Variants in FGF13 observed in about 807,000 individuals in gnomAD.
FGF13 encodes the protein fibroblast growth factor 13.
Under a neutral mutation model 19.5 loss-of-function variants are expected in FGF13, and 2 were observed. That is an observed-to-expected ratio of 0.10 (90% CI 0.04 to 0.32). FGF13 has a LOEUF of 0.32. Ranked by LOEUF, FGF13 falls within the 10% of genes least tolerant of loss-of-function variation. The pLI is 1.00. For synonymous variants in FGF13, 72 were observed against 76.9 expected (o/e 0.94, Z 0.33); for missense variants, 113 against 192.7 (o/e 0.59, Z 2.45).
At chrX:138,780,757 G>A (rs1437780255) in intron 3 of FGF13, among the ~76,000 whole-genome samples, 3 of 110,390 alleles carry the variant, frequency 2.7e-5, no homozygotes, top group East Asian at 2.8e-4. Context: ...ACAGATCCAC[G>A]AGACGGAAAG....
chrX:138,720,169 A>G (rs1450237767), intron 1 of FGF13, among the ~76,000 whole-genome samples: 2 of 112,515 alleles, frequency 1.8e-5, no homozygotes, highest in African/African-American at 3.2e-5. Context: ...GAAAACTGCA[A>G]TTTTAAGCGA....
At chrX:139,037,483 G>A (rs979989438) in intron 1 of FGF13, among the ~76,000 whole-genome samples, 3 of 111,324 alleles carry the variant, frequency 2.7e-5, no homozygotes, top group South Asian at 7.6e-4. Context: ...TATTCTTGCA[G>A]TTCTGGAGGT....
In FGF13 at chrX:138,629,127, A is replaced by G. The variant is rs2089091670; in HGVS notation, c.*3723T>C. 9.0e-6 allele frequency: 1 copy of G among 111,575 alleles called. No homozygotes were observed. The highest frequency in any genetic ancestry group is 3.3e-5 in the African/African-American group (1 of 30,672). The allele number at this position is 111,575 out of a possible 1,213,427, so 9.2% of individuals were successfully genotyped here. A position where few individuals can be genotyped will look rare whatever the true frequency, so the allele number is the denominator to read the frequency against. On this transcript the variant is annotated 3_prime_UTR_variant, in exon 5 of 5. Coordinates refer to ENST00000315930, the MANE Select transcript of FGF13 (RefSeq NM_004114.5). ...TCAGATTCAGGAGATTCCCAGGCCAAGCTTAAAACAAAAGAAGCATATAAA... is the reference window on the plus strand; with the variant it reads ...TCAGATTCAGGAGATTCCCAGGCCAGGCTTAAAACAAAAGAAGCATATAAA...
intron 3 of FGF13, among the ~76,000 whole-genome samples, chrX:138,798,456 C>T (rs1046698360): frequency 2.7e-5 from 3 of 111,651 alleles, no homozygotes; most frequent in Non-Finnish European, 3.8e-5. Flanking sequence ...TTGCTGGATT[C>T]GGTTTACCAG....
At position 138,617,394 on chromosome X, in the gene FGF13, G is replaced by A. The variant is rs1423932436; in HGVS notation, c.*15456C>T. 3.6e-5 allele frequency: 4 copies of A among 111,951 alleles called. No individual in the cohort carries two copies. Among genetic ancestry groups the A allele is most frequent in the Non-Finnish European group, 7.5e-5 (4 of 53,200 alleles). 9.2% of individuals were successfully genotyped at this position (111,951 alleles called of 1,213,427 possible). A position where few individuals can be genotyped will look rare whatever the true frequency, so the allele number is the denominator to read the frequency against. On this transcript the variant is annotated 3_prime_UTR_variant, in exon 5 of 5. Coordinates refer to ENST00000315930, the MANE Select transcript of FGF13 (RefSeq NM_004114.5). ...ATATATTTTCATAATGAAATGTTGG[G>A]GGAAATACTTGGAAGTGAATATAAT...
At chrX:138,900,222 A>T (rs1261119626) in intron 1 of FGF13, among the ~76,000 whole-genome samples, 1 of 110,889 alleles carries the variant, frequency 9.0e-6, no homozygotes, top group Non-Finnish European at 1.9e-5. Flanking sequence ...GTCACTTACT[A>T]ATGTCTAAAA....
intron 3 of FGF13, among the ~76,000 whole-genome samples, chrX:138,800,291 T>C (rs906786771): frequency 1.8e-5 from 2 of 111,864 alleles, no homozygotes; most frequent in African/African-American, 6.5e-5. Context: ...TCCCTCAGCA[T>C]TTGCTTGTCT....
chrX:139,097,628 C>T (rs995730787), intron 1 of FGF13, among the ~76,000 whole-genome samples: 4 of 111,770 alleles, frequency 3.6e-5, no homozygotes, highest in Non-Finnish European at 7.5e-5. Flanking sequence ...GCAGAAGATG[C>T]ATTTGATAAA....
chrX:139,006,996 CAAT>C (rs1339834321), intron 1 of FGF13, among the ~76,000 whole-genome samples: 1 of 111,047 alleles, frequency 9.0e-6, no homozygotes, highest in Non-Finnish European at 1.9e-5. Flanking sequence ...CCTTAGTTAT[CAAT>C]AATAACATTG....
rs1293150133 is a variant in FGF13 at position 138,615,640 on chromosome X, A to G, written c.*17210T>C. On this transcript the variant is annotated 3_prime_UTR_variant, in exon 5 of 5. Coordinates refer to ENST00000315930, the MANE Select transcript of FGF13 (RefSeq NM_004114.5). ...TAAAGAATAAGGATAATGCAATGGG[A>G]ACAGTTGAAATATTGGCTTGTTTAC... 1.8e-5 allele frequency: 2 copies of G among 111,717 alleles called. No homozygotes were observed. Among genetic ancestry groups the G allele is most frequent in the African/African-American group, 6.5e-5 (2 of 30,725 alleles). 9.2% of individuals were successfully genotyped at this position (111,717 alleles called of 1,213,427 possible).
chrX:138,948,262 T>G (rs994329421), intron 1 of FGF13, among the ~76,000 whole-genome samples: 1 of 111,632 alleles, frequency 9.0e-6, no homozygotes, highest in Non-Finnish European at 1.9e-5. Flanking sequence ...TCTGATGATA[T>G]GCCTGGAAAA....
intron 1 of FGF13, among the ~76,000 whole-genome samples, chrX:139,017,133 A>G (rs2092157230): frequency 1.8e-5 from 2 of 108,309 alleles, no homozygotes; most frequent in African/African-American, 6.7e-5. Context: ...ACGCATACAT[A>G]TATATCAAAA....
intron 1 of FGF13, among the ~76,000 whole-genome samples, chrX:139,202,430 T>G (rs369628701): frequency 1.5e-4 from 17 of 111,581 alleles, no homozygotes; most frequent in African/African-American, 5.5e-4. Flanking sequence ...ACTCAACAAT[T>G]AGGGGAGCTC....
intron 1 of FGF13, among the ~76,000 whole-genome samples, chrX:139,090,758 T>C (rs2053726974): frequency 9.2e-6 from 1 of 109,136 alleles, no homozygotes; most frequent in Non-Finnish European, 1.9e-5. Flanking sequence ...CTTGGCAACA[T>C]GGCAAAACCC....
At chrX:139,203,906 A>G (rs1382474833), upstream of FGF13, among the ~76,000 whole-genome samples, 2 of 109,996 alleles carry the variant, frequency 1.8e-5, no homozygotes, top group African/African-American at 6.6e-5. Context: ...CCCCCTAGCG[A>G]CCTCTGCCCC....
chrX:138,784,058 C>T (rs1489840735), intron 3 of FGF13, among the ~76,000 whole-genome samples: 2 of 98,281 alleles, frequency 2.0e-5, no homozygotes, highest in Admixed American at 1.1e-4. Flanking sequence ...AGTAAACTAT[C>T]GCAAGAACAA....
chrX:139,013,542 C>G (rs1274243888), intron 1 of FGF13, among the ~76,000 whole-genome samples: 1 of 86,129 alleles, frequency 1.2e-5, no homozygotes, highest in African/African-American at 4.6e-5. Context: ...AAATGAAATA[C>G]TATTCAGCCA....
rs190861254 is a variant in FGF13, at chrX:139,015,633, C to T, written c.-112-150983G>A. On this transcript the variant is annotated intron_variant, in intron 1 of 2. Coordinates refer to the FGF13 transcript ENST00000421460. ...CAATATTGTTAAAATGTCCATCCTA[C>T]CCAAAGCAATCTACAGACTCAATGC... 9.4e-4 allele frequency among the ~76,000 whole-genome samples: 105 copies of T among 111,228 alleles called. 1 individual carries two copies. Among genetic ancestry groups the T allele is most frequent in the Non-Finnish European group, 1.4e-3 (75 of 52,882 alleles).
Position 139,008,324 on chromosome X carries a change from C to T in FGF13, c.-112-143674G>A, listed in dbSNP as rs180867684. Among the ~76,000 whole-genome samples, 104 of 112,342 alleles carry T rather than the reference C, an allele frequency of 9.3e-4. 1 individual carries two copies. The highest frequency in any genetic ancestry group is 2.6e-3 in the African/African-American group (79 of 30,949). On this transcript the variant is annotated intron_variant, in intron 1 of 2. Coordinates refer to the FGF13 transcript ENST00000421460. The stretch of plus-strand genomic sequence containing the variant: ...AGGTGACCCTAGGGCAAGTTTGCAT[C>T]CTTCCTATAGGACTGCAGCTGATGC...
Sources: gnomAD v4.1 joint callset for allele counts (sites outside exome capture counted in the v4.1 genomes callset) on GRCh38, gnomAD v4.1.1 for gene constraint, MANE v1.5 for transcripts, NCBI Gene and HGNC (gene_info 2026-07-23, HGNC 2026-07-21) for gene names.